SCAPER: variants seen among roughly 807,000 people sequenced by gnomAD.
SCAPER encodes the protein S-phase cyclin A associated protein in the ER, also known as S phase cyclin A-associated protein in the endoplasmic reticulum.
SCAPER carries 98 observed loss-of-function variants against 182.2 expected under a neutral mutation model. The ratio of observed to expected loss-of-function variants is 0.54; its 90% CI spans 0.46 to 0.64. The LOEUF (loss-of-function observed/expected upper bound fraction) is 0.64. SCAPER is among the 30% of genes least tolerant of loss of function. The pLI is 0.00. For missense variants in SCAPER, 1,432 were observed against 1,690.0 expected, an observed-to-expected ratio of 0.85 and a Z score of 2.68; for synonymous variants, 605 against 564.6, an observed-to-expected ratio of 1.07 and a Z score of -1.01.
At chr15:76,584,502 A>C (rs2048489950) in intron 22 of SCAPER, among the ~76,000 whole-genome samples, 1 of 151,166 alleles carries the variant, frequency 6.6e-6, no homozygotes, top group Admixed American at 6.6e-5. Context: ...ATATACCTGT[A>C]TCAAAATATA....
chr15:76,882,951 A>G (rs1256123293), intron 2 of SCAPER, among the ~76,000 whole-genome samples: 1 of 152,150 alleles, frequency 6.6e-6, no homozygotes, highest in Non-Finnish European at 1.5e-5. Context: ...GGCGTGAGCC[A>G]CCGTGCCCGG....
intron 7 of SCAPER, among the ~76,000 whole-genome samples, chr15:76,796,678 C>A (rs115321093): frequency 5.9e-5 from 9 of 152,308 alleles, no homozygotes; most frequent in African/African-American, 1.9e-4. Flanking sequence ...CACGAATTAA[C>A]GGCTTTGAGT....
chr15:76,404,760 C>T, intron 26 of SCAPER, 81 bp from the exon 27 acceptor site: 1 of 1,465,408 alleles, frequency 6.8e-7, no homozygotes, highest in Non-Finnish European at 9.2e-7. Flanking sequence ...TGCTACCATA[C>T]ACAGGCTTGG....
intron 25 of SCAPER, among the ~76,000 whole-genome samples, chr15:76,452,991 C>T (rs1255969282): frequency 1.3e-5 from 2 of 152,062 alleles, no homozygotes; most frequent in East Asian, 3.9e-4. Flanking sequence ...CCACCACACC[C>T]AGCTAAATTT....
chr15:76,855,560 GCAAA>G (rs1306437228), intron 4 of SCAPER, among the ~76,000 whole-genome samples: 1 of 149,432 alleles, frequency 6.7e-6, no homozygotes, highest in African/African-American at 2.5e-5. Flanking sequence ...TATAATAAAT[GCAAA>G]CAAATTTACA....
chr15:76,464,854 G>A (rs574760641), intron 25 of SCAPER, among the ~76,000 whole-genome samples: 13 of 152,100 alleles, frequency 8.5e-5, no homozygotes, highest in African/African-American at 2.9e-4. Context: ...TGCACCAAAA[G>A]TGCACAACAT....
intron 24 of SCAPER, among the ~76,000 whole-genome samples, chr15:76,486,730 T>C (rs2051690300): frequency 6.6e-6 from 1 of 152,164 alleles, no homozygotes; most frequent in Non-Finnish European, 1.5e-5. Flanking sequence ...GGAATGCCTA[T>C]ATACTGTTGG....
chr15:76,474,998 C>G (rs986652689), intron 24 of SCAPER, among the ~76,000 whole-genome samples: 4 of 152,256 alleles, frequency 2.6e-5, no homozygotes, highest in Middle Eastern at 3.4e-3. Context: ...TTCTATCTAG[C>G]AAATTCTCCA....
chr15:76,823,689 A>C (rs2067756246), intron 5 of SCAPER, among the ~76,000 whole-genome samples: 1 of 152,096 alleles, frequency 6.6e-6, no homozygotes, highest in Non-Finnish European at 1.5e-5. Context: ...ATTTCCTTTC[A>C]GAAGTAATCC....
At chr15:76,901,128 G>A (rs1274093328) in intron 1 of SCAPER, among the ~76,000 whole-genome samples, 4 of 152,196 alleles carry the variant, frequency 2.6e-5, no homozygotes, top group Non-Finnish European at 4.4e-5. Context: ...TACTCAGGAG[G>A]CTGAGGCAGG....
At chr15:76,728,466 C>G (rs750337029) in intron 17 of SCAPER, 129 bp downstream of exon 17, 56 of 1,246,374 alleles carry the variant, frequency 4.5e-5, no homozygotes, top group Non-Finnish European at 5.8e-5. Flanking sequence ...TCAGAGAGTT[C>G]AAGATCAACC....
chr15:76,357,910 A>G (rs2041113156), intron 29 of SCAPER, among the ~76,000 whole-genome samples: 2 of 152,204 alleles, frequency 1.3e-5, no homozygotes, highest in Non-Finnish European at 2.9e-5. Flanking sequence ...GAACATAGAG[A>G]GTGAAAGAAC....
At chr15:76,674,092 CTG>C (rs2057218246) in intron 20 of SCAPER, among the ~76,000 whole-genome samples, 1 of 151,928 alleles carries the variant, frequency 6.6e-6, no homozygotes, top group Admixed American at 6.6e-5. Flanking sequence ...TATTTACAAA[CTG>C]TACTCAGTAG....
At chr15:76,581,657 G>A (rs150549232) in intron 22 of SCAPER, among the ~76,000 whole-genome samples, 5,103 of 152,256 alleles carry the variant, frequency 0.034, 257 homozygotes, top group African/African-American at 0.11. Context: ...TGTGATCTCA[G>A]CTCACTGCAA....
intron 14 of SCAPER, among the ~76,000 whole-genome samples, chr15:76,757,770 G>C (rs543692742): frequency 1.3e-5 from 2 of 152,116 alleles, no homozygotes; most frequent in East Asian, 3.9e-4. Context: ...CCCAATACTT[G>C]CCTCTTGTCA....
At chr15:76,782,312 G>C (rs1173231446) in intron 8 of SCAPER, among the ~76,000 whole-genome samples, 1 of 152,092 alleles carries the variant, frequency 6.6e-6, no homozygotes, top group Non-Finnish European at 1.5e-5. Context: ...ACTAGTAAAG[G>C]GATCAATTCA....
At chr15:76,617,495 A>G (rs2051600464) in intron 22 of SCAPER, among the ~76,000 whole-genome samples, 1 of 152,208 alleles carries the variant, frequency 6.6e-6, no homozygotes, top group Admixed American at 6.5e-5. Flanking sequence ...GCTCAGCTAG[A>G]TAATTCTTCT....
intron 17 of SCAPER, among the ~76,000 whole-genome samples, chr15:76,723,560 A>C (rs1238737897): frequency 6.6e-6 from 1 of 152,020 alleles, no homozygotes; most frequent in South Asian, 2.1e-4. Context: ...TATTGTGTGG[A>C]AGTCTAAGTC....
chr15:76,466,527 T>G (rs1263509902), intron 25 of SCAPER, among the ~76,000 whole-genome samples: 1 of 149,726 alleles, frequency 6.7e-6, no homozygotes, highest in African/African-American at 2.4e-5. Flanking sequence ...GAGGGCTATT[T>G]TGAATTCTTT....
Sources: allele counts gnomAD v4.1 joint callset (sites outside exome capture counted in the v4.1 genomes callset), GRCh38; gene constraint gnomAD v4.1.1; transcripts MANE v1.5; gene names NCBI Gene and HGNC (gene_info 2026-07-23, HGNC 2026-07-21).